The following SUMF1 variants were observed in gnomAD, a reference collection of about 807,000 sequenced individuals.
The protein encoded by SUMF1 is sulfatase modifying factor 1.
Under a neutral mutation model 47.6 loss-of-function variants are expected in SUMF1, and 48 were observed. The ratio of observed to expected loss-of-function variants is 1.01; its 90% CI spans 0.80 to 1.28. The LOEUF (loss-of-function observed/expected upper bound fraction) is 1.28. Ranked by LOEUF, SUMF1 falls within the 50% of genes most tolerant of loss-of-function variation. SUMF1 has a pLI of 0.00. For synonymous variants in SUMF1, 230 were observed against 192.1 expected, an observed-to-expected ratio of 1.20 and a Z score of -1.63; for missense variants, 571 against 485.4, an observed-to-expected ratio of 1.18 and a Z score of -1.66.
At chr3:4,336,635 A>G (rs567288445) in intron 8 of SUMF1, among the ~76,000 whole-genome samples, 2 of 152,378 alleles carry the variant, frequency 1.3e-5, no homozygotes, top group African/African-American at 4.8e-5. Flanking sequence ...AGCCAAGAAG[A>G]ACAAATTATA....
chr3:4,238,721 G>A (rs886466448), intron 8 of SUMF1, among the ~76,000 whole-genome samples: 5 of 152,130 alleles, frequency 3.3e-5, no homozygotes, highest in African/African-American at 1.2e-4. Flanking sequence ...CCATTCTGTA[G>A]GTTGCCTGTT....
intron 9 of SUMF1, among the ~76,000 whole-genome samples, chr3:4,038,304 G>GTT (rs1286762026): frequency 6.6e-6 from 1 of 152,150 alleles, no homozygotes; most frequent in Non-Finnish European, 1.5e-5. Context: ...CAAGGCAGGG[G>GTT]TTCCCTGCTT....
At chr3:4,256,343 G>T (rs1451197361) in intron 8 of SUMF1, among the ~76,000 whole-genome samples, 1 of 103,482 alleles carries the variant, frequency 9.7e-6, no homozygotes, top group Non-Finnish European at 2.1e-5. Flanking sequence ...TTTTTGAAAG[G>T]ATCAACAAAA....
At chr3:4,093,839 C>A (rs1289952243) in intron 8 of SUMF1, among the ~76,000 whole-genome samples, 2 of 152,034 alleles carry the variant, frequency 1.3e-5, no homozygotes, top group African/African-American at 4.8e-5. Context: ...CCTTAAATGC[C>A]AACTCAAGGA....
intron 8 of SUMF1, among the ~76,000 whole-genome samples, chr3:4,258,764 T>C (rs1333926839): frequency 4.3e-5 from 6 of 140,234 alleles, no homozygotes; most frequent in Middle Eastern, 7.1e-3. Context: ...CATTACTGGG[T>C]ATATACCCAA....
intron 8 of SUMF1, among the ~76,000 whole-genome samples, chr3:4,337,353 C>A (rs1699176710): frequency 6.6e-6 from 1 of 152,100 alleles, no homozygotes; most frequent in Non-Finnish European, 1.5e-5. Flanking sequence ...CATCTTCCTG[C>A]AGCCAGCTGC....
chr3:4,398,326 G>GTA lies in SUMF1; in HGVS notation c.954+12537_954+12538dup, dbSNP rs1359050299. ...AGTAAATTTTGCTGAATGGACAGAAGTATACCCTTACATAAAACTTCTACG... is the reference window on the plus strand; with the variant it reads ...AGTAAATTTTGCTGAATGGACAGAAGTATATACCCTTACATAAAACTTCTACG... On this transcript the variant is annotated intron_variant, in intron 7 of 8. Transcript: ENST00000272902. 5.3e-5 allele frequency among the ~76,000 whole-genome samples: 8 copies of GTA among 152,146 alleles called. No homozygotes were observed. In the East Asian group the frequency reaches 1.5e-3, roughly 29 times the overall value.
At position 4,182,459 on chromosome 3, in the gene SUMF1, C is replaced by G. The variant is rs982103925; in HGVS notation, c.1015-113714G>C. ...ATATTACTTCCCCTCTTTTCTTCCC[C>G]CTTTGCCTTAAGGAAAAAAGAAACT... On this transcript the variant is annotated intron_variant and NMD_transcript_variant, in intron 8 of 12. Transcript: ENST00000448413. 3.3e-5 allele frequency among the ~76,000 whole-genome samples: 5 copies of G among 150,508 alleles called. No homozygotes were observed. In the East Asian group the frequency reaches 5.8e-4, roughly 18 times the overall value.
intron 8 of SUMF1, among the ~76,000 whole-genome samples, chr3:4,306,659 T>G (rs927357006): frequency 3.9e-5 from 6 of 152,250 alleles, no homozygotes; most frequent in African/African-American, 1.4e-4. Context: ...TGCATTCAAC[T>G]CGTTTTCTTC....
intron 8 of SUMF1, among the ~76,000 whole-genome samples, chr3:4,367,221 G>A (rs545403352): frequency 0.012 from 1,760 of 152,184 alleles, 39 homozygotes; most frequent in African/African-American, 0.039. Context: ...CTCCAGCTGC[G>A]TGCTGGGAGA....
intron 8 of SUMF1, among the ~76,000 whole-genome samples, chr3:4,144,620 C>T (rs1359452528): frequency 6.6e-6 from 1 of 152,042 alleles, no homozygotes; most frequent in African/African-American, 2.4e-5. Flanking sequence ...AAGGTTAATG[C>T]CTGTTTATTC....
At chr3:4,417,977 A>C in intron 5 of SUMF1, 33 bp downstream of exon 5, 1 of 1,613,680 alleles carries the variant, frequency 6.2e-7, no homozygotes, top group Non-Finnish European at 8.5e-7. Context: ...AATGACCAAC[A>C]TATTGTCAGG....
intron 7 of SUMF1, among the ~76,000 whole-genome samples, chr3:4,394,364 C>T (rs1336770409): frequency 1.3e-5 from 2 of 152,012 alleles, no homozygotes; most frequent in Non-Finnish European, 2.9e-5. Context: ...CACTATGTTG[C>T]CCAGGCTGGT....
At chr3:4,333,159 A>G (rs956428662) in intron 8 of SUMF1, among the ~76,000 whole-genome samples, 1 of 152,232 alleles carries the variant, frequency 6.6e-6, no homozygotes, top group African/African-American at 2.4e-5. Flanking sequence ...CTCGGGATAC[A>G]GGAAGCTGTC....
intron 8 of SUMF1, among the ~76,000 whole-genome samples, chr3:4,233,603 ATAAAG>A (rs1696347818): frequency 6.6e-6 from 1 of 152,152 alleles, no homozygotes; most frequent in African/African-American, 2.4e-5. Context: ...ATTGTTTAAA[ATAAAG>A]TATTCAATTT....
chr3:4,245,655 C>T (rs529298046), intron 8 of SUMF1, among the ~76,000 whole-genome samples: 12 of 152,268 alleles, frequency 7.9e-5, no homozygotes, highest in Non-Finnish European at 1.6e-4. Context: ...TGTCTGTCAG[C>T]CCCTACTGGG....
intron 8 of SUMF1, among the ~76,000 whole-genome samples, chr3:4,217,859 C>G (rs1695970450): frequency 8.1e-6 from 1 of 123,338 alleles, no homozygotes; most frequent in Admixed American, 8.9e-5. Flanking sequence ...AAACAATTTG[C>G]AGGAGAAACA....
At chr3:4,372,327 C>A (rs1968930) in intron 8 of SUMF1, among the ~76,000 whole-genome samples, 27,778 of 152,058 alleles carry the variant, frequency 0.18, 2,799 homozygotes, top group African/African-American at 0.27. Flanking sequence ...TTTAGCCAGG[C>A]AAACTGGTGT....
At position 4,222,596 on chromosome 3, in the gene SUMF1, G is replaced by A. The variant is rs921157990; in HGVS notation, c.1014+153734C>T. ...ACACCTTGTTCCTAGCTCTCTACCC[G>A]GAGGGCCTGTCATCATCATCTCCTG... On this transcript the variant is annotated intron_variant and NMD_transcript_variant, in intron 8 of 12. Transcript: ENST00000448413. Among the ~76,000 whole-genome samples, 6 of 151,954 alleles carry A rather than the reference G, an allele frequency of 3.9e-5. No homozygotes were observed. In the East Asian group the frequency reaches 9.7e-4, roughly 24 times the overall value.
Sources: allele counts gnomAD v4.1 joint callset (sites outside exome capture counted in the v4.1 genomes callset), GRCh38; gene constraint gnomAD v4.1.1; transcripts MANE v1.5; gene names NCBI Gene and HGNC (gene_info 2026-07-23, HGNC 2026-07-21).